Variants in SLC25A21 observed in about 807,000 individuals in gnomAD.
The protein encoded by SLC25A21 is mitochondrial 2-oxodicarboxylate carrier.
SLC25A21 carries 47 observed loss-of-function variants against 43.8 expected under a neutral mutation model. That is an observed-to-expected ratio of 1.07 (90% CI 0.85 to 1.37). SLC25A21 has a LOEUF of 1.37. SLC25A21 is among the 40% of genes most tolerant of loss of function. The pLI, the probability that SLC25A21 is intolerant of heterozygous loss-of-function variation, is 0.00. For synonymous variants in SLC25A21, 131 were observed against 121.3 expected (o/e 1.08, Z -0.52); for missense variants, 352 against 350.2 (o/e 1.00, Z -0.04).
At chr14:36,755,807 T>G (rs1594556705) in intron 3 of SLC25A21, among the ~76,000 whole-genome samples, 1 of 152,140 alleles carries the variant, frequency 6.6e-6, no homozygotes, top group South Asian at 2.1e-4. Context: ...ATGTTCCTGG[T>G]GAAGGCCTCA....
At chr14:37,106,319 T>C (rs1442199910) in intron 1 of SLC25A21, among the ~76,000 whole-genome samples, 1 of 152,130 alleles carries the variant, frequency 6.6e-6, no homozygotes, top group Non-Finnish European at 1.5e-5. Context: ...GCTAAATTAT[T>C]TTCCTAGCAA....
At chr14:36,702,475 C>CAAAAAA (rs1213350246) in intron 7 of SLC25A21, among the ~76,000 whole-genome samples, 104 of 64,946 alleles carry the variant, frequency 1.6e-3, no homozygotes, top group East Asian at 3.1e-3. Flanking sequence ...CCTGTCTCCA[C>CAAAAAA]AAAAAAAAAA....
intron 1 of SLC25A21, among the ~76,000 whole-genome samples, chr14:36,950,541 C>A (rs1275050213): frequency 6.6e-6 from 1 of 152,248 alleles, no homozygotes; most frequent in East Asian, 1.9e-4. Context: ...GATTTTTGGC[C>A]TCTAGAACTA....
chr14:37,097,746 T>C (rs190209254), intron 1 of SLC25A21: 9 of 152,158 alleles, frequency 5.9e-5, no homozygotes, highest in African/African-American at 2.2e-4. Flanking sequence ...TAGCCAGGCA[T>C]GGTGGCAGAC....
At chr14:36,740,354 A>G (rs1420053722) in intron 3 of SLC25A21, among the ~76,000 whole-genome samples, 1 of 152,164 alleles carries the variant, frequency 6.6e-6, no homozygotes, top group African/African-American at 2.4e-5. Flanking sequence ...AAAGTCACAC[A>G]GCAAATATGA....
intron 1 of SLC25A21, among the ~76,000 whole-genome samples, chr14:37,064,094 G>T (rs771371954): frequency 1.3e-5 from 2 of 152,166 alleles, no homozygotes; most frequent in Non-Finnish European, 2.9e-5. Context: ...ATGTGAGCAG[G>T]TGCCATCTAA....
Position 36,990,307 on chromosome 14 carries a change from C to G in SLC25A21, c.71-115303G>C, listed in dbSNP as rs555404889. ...CCTTCCCAGCCCCAGCAGTGCTGTT[C>G]CCCAGCTCTCTCCATGCAACTGATC... On this transcript the variant is annotated intron_variant, in intron 1 of 9. Coordinates refer to ENST00000331299, the MANE Select transcript of SLC25A21 (RefSeq NM_030631.4). Among the ~76,000 whole-genome samples, 11 of 152,252 alleles carry G rather than the reference C, an allele frequency of 7.2e-5. No individual in the cohort carries two copies. The East Asian group carries it at 2.1e-3, about 29-fold the overall frequency.
intron 1 of SLC25A21, among the ~76,000 whole-genome samples, chr14:37,100,273 G>C (rs1203434773): frequency 6.6e-6 from 1 of 152,110 alleles, no homozygotes; most frequent in Middle Eastern, 3.4e-3. Flanking sequence ...TGGCCAGGCT[G>C]GTCTCGAACT....
intron 1 of SLC25A21, among the ~76,000 whole-genome samples, chr14:37,034,384 T>C (rs2138773288): frequency 6.6e-6 from 1 of 152,308 alleles, no homozygotes. Flanking sequence ...ATGATCGTTC[T>C]CTGTCTGATC....
Position 36,680,380 on chromosome 14 carries a change from T to A in SLC25A21, c.*278A>T. 9.6e-7 allele frequency: 1 copy of A among 1,043,638 alleles called. No homozygotes were observed. The highest frequency in any genetic ancestry group is 1.7e-5 in the African/African-American group (1 of 59,784). 64.6% of individuals were successfully genotyped at this position (1,043,638 alleles called of 1,614,324 possible). On this transcript the variant is annotated 3_prime_UTR_variant, in exon 10 of 10. Coordinates refer to ENST00000331299, the MANE Select transcript of SLC25A21 (RefSeq NM_030631.4). ...CAGGAGACAAAGTTTCTATTTATTT[T>A]ATGAAATAAATATATGATTTCTATG...
At chr14:36,831,962 A>G (rs565344865) in intron 2 of SLC25A21, among the ~76,000 whole-genome samples, 2 of 152,356 alleles carry the variant, frequency 1.3e-5, no homozygotes, top group South Asian at 2.1e-4. Flanking sequence ...TGTTCCAAGT[A>G]TAAAATTTTA....
At position 37,091,472 on chromosome 14, in the gene SLC25A21, T is replaced by C. The variant is rs149444302; in HGVS notation, c.70+80809A>G. On this transcript the variant is annotated intron_variant, in intron 1 of 9. Coordinates refer to ENST00000331299, the MANE Select transcript of SLC25A21 (RefSeq NM_030631.4). ...AGCAATAGACAACACTTCTGCACAA[T>C]GGCTTGGGGGCCATTTTAAACAGTA... 1.7e-3 allele frequency among the ~76,000 whole-genome samples: 247 copies of C among 148,490 alleles called. 1 individual carries two copies. The highest frequency in any genetic ancestry group is 6.0e-3 in the African/African-American group (245 of 40,628).
chr14:36,842,928 G>A (rs712367), intron 2 of SLC25A21, among the ~76,000 whole-genome samples: 42,557 of 151,944 alleles, frequency 0.28, 6,067 homozygotes, highest in Admixed American at 0.3. Context: ...GGGTGGGAAG[G>A]GGCAGGAGGG....
chr14:36,750,493 G>A (rs1436806303), intron 3 of SLC25A21, among the ~76,000 whole-genome samples: 1 of 152,114 alleles, frequency 6.6e-6, no homozygotes, highest in African/African-American at 2.4e-5. Flanking sequence ...TTAGTCACCT[G>A]GTCTTATTCT....
At chr14:36,706,332 A>G (rs1323825412) in intron 7 of SLC25A21, among the ~76,000 whole-genome samples, 1 of 152,214 alleles carries the variant, frequency 6.6e-6, no homozygotes, top group Non-Finnish European at 1.5e-5. Context: ...AGATAGGAAA[A>G]CATTGTTTTT....
At chr14:36,973,023 A>T (rs201588848) in intron 1 of SLC25A21, among the ~76,000 whole-genome samples, 7 of 61,974 alleles carry the variant, frequency 1.1e-4, no homozygotes, top group African/African-American at 6.7e-4. Flanking sequence ...TTATTTATTT[A>T]TTTTATTTTA....
intron 3 of SLC25A21, among the ~76,000 whole-genome samples, chr14:36,802,457 T>C (rs1342790081): frequency 6.6e-6 from 1 of 152,216 alleles, no homozygotes; most frequent in East Asian, 1.9e-4. Context: ...TTATATTCCA[T>C]ATATTAATAC....
At chr14:36,854,870 T>C (rs1205732441) in intron 2 of SLC25A21, among the ~76,000 whole-genome samples, 2 of 149,766 alleles carry the variant, frequency 1.3e-5, no homozygotes, top group African/African-American at 5.0e-5. Flanking sequence ...AGACTGACAG[T>C]GTACAGAAAG....
chr14:37,106,249 G>A (rs1015843394), intron 1 of SLC25A21, among the ~76,000 whole-genome samples: 2 of 152,224 alleles, frequency 1.3e-5, no homozygotes, highest in Middle Eastern at 3.4e-3. Context: ...CGGGCAAAAA[G>A]AGCCACATTT....
Sources: allele counts gnomAD v4.1 joint callset (sites outside exome capture counted in the v4.1 genomes callset), GRCh38; gene constraint gnomAD v4.1.1; transcripts MANE v1.5; gene names NCBI Gene and HGNC (gene_info 2026-07-23, HGNC 2026-07-21).